Variants in TCF25 observed in about 807,000 individuals in gnomAD.
TCF25 encodes ribosome quality control complex subunit TCF25.
A neutral mutation model predicts 83.1 loss-of-function variants in TCF25; 41 were observed. That is an observed-to-expected ratio of 0.49 (90% CI 0.38 to 0.64). The LOEUF is 0.64. Among genes scored for constraint, TCF25 ranks in the 30% least tolerant of loss-of-function variants. The probability of loss-of-function intolerance (pLI) is 0.00; values close to 1 mark genes in which losing one functional copy is unlikely to be tolerated. For synonymous variants in TCF25, 458 were observed against 365.0 expected, an observed-to-expected ratio of 1.25 and a Z score of -2.90; for missense variants, 979 against 914.5, an observed-to-expected ratio of 1.07 and a Z score of -0.91.
chr16:89,880,178 C>T (rs2042505611), intron 1 of TCF25, among the ~76,000 whole-genome samples: 1 of 151,284 alleles, frequency 6.6e-6, no homozygotes, highest in South Asian at 2.1e-4. Flanking sequence ...TGTACACAGG[C>T]TCCTTTCCAT....
chr16:89,888,679 C>CT (rs530768255), intron 5 of TCF25, among the ~76,000 whole-genome samples: 16,079 of 135,012 alleles, frequency 0.12, 1,168 homozygotes, highest in East Asian at 0.27. Flanking sequence ...CTCTTTCTTT[C>CT]TTTTTTTTTT....
chr16:89,896,631 G>A (rs1181036436), intron 9 of TCF25, among the ~76,000 whole-genome samples: 1 of 146,918 alleles, frequency 6.8e-6, no homozygotes, highest in African/African-American at 2.6e-5. Flanking sequence ...TCGGCTCACT[G>A]CAAGCTCCAC....
At position 89,900,780 on chromosome 16, in the gene TCF25, C is replaced by A; in HGVS notation, c.1367C>A (p.Thr456Asn). The A allele has an allele frequency of 6.3e-7, 1 of 1,580,116 alleles. No individual in the cohort carries two copies. Among genetic ancestry groups the A allele is most frequent in the Non-Finnish European group, 8.7e-7 (1 of 1,152,094 alleles). The change falls in exon 12 of 18, where the codon ACC becomes AAC. Residue 456 changes from threonine to asparagine, a missense_variant. Physicochemically the swap from Thr to Asn is moderately conservative, Grantham distance 65. Transcript: ENST00000263346. Reference protein sequence around the residue: ...KASLLIQQALTMFPGVLLPLL... With the variant: ...KASLLIQQALNMFPGVLLPLL... Reference sequence around the variant, plus strand: ...TCTCTCCTGATACAGCAGGCGCTCACCATGTTCCCTGGAGGTGAGTGAGCG... The same window carrying A: ...TCTCTCCTGATACAGCAGGCGCTCAACATGTTCCCTGGAGGTGAGTGAGCG...
intron 9 of TCF25, among the ~76,000 whole-genome samples, chr16:89,896,801 G>A (rs2043893697): frequency 1.3e-5 from 2 of 151,930 alleles, no homozygotes; most frequent in African/African-American, 2.4e-5. Context: ...CGATCCACCC[G>A]CCTCGGCCTT....
intron 5 of TCF25, among the ~76,000 whole-genome samples, chr16:89,889,027 G>A (rs150911318): frequency 6.6e-6 from 1 of 151,762 alleles, no homozygotes; most frequent in East Asian, 1.9e-4. Context: ...GTTCTTAGCA[G>A]TTGGGCAGCC....
chr16:89,878,692 G>A, intron 1 of TCF25: 2 of 1,035,166 alleles, frequency 1.9e-6, no homozygotes, highest in Non-Finnish European at 2.3e-6. Flanking sequence ...CCAGGCTGGA[G>A]TGCAGTGGCA....
Position 89,905,325 on chromosome 16 carries a change from G to A in TCF25, c.1628+229G>A, listed in dbSNP as rs1011784859. Among the ~76,000 whole-genome samples, 4 of 152,184 alleles carry A rather than the reference G, an allele frequency of 2.6e-5. No individual in the cohort carries two copies. The highest frequency in any genetic ancestry group is 4.4e-5 in the Non-Finnish European group (3 of 68,028). ...CGCAGGGTACCGAGCTGCTGTTCCC[G>A]GGTGCCTCGGGCTGGAGTGGTGCCT... On this transcript the variant is annotated intron_variant, in intron 14 of 17. Coordinates refer to ENST00000263346, the MANE Select transcript of TCF25 (RefSeq NM_014972.3).
intron 1 of TCF25, chr16:89,874,782 T>C (rs2042046839): frequency 6.6e-6 from 1 of 152,146 alleles, no homozygotes; most frequent in Non-Finnish European, 1.5e-5. Context: ...AATTTTTTTT[T>C]TTTTTCTTTT....
chr16:89,875,340 A>C (rs2042097231), intron 1 of TCF25, among the ~76,000 whole-genome samples: 1 of 151,760 alleles, frequency 6.6e-6, no homozygotes, highest in Admixed American at 6.6e-5. Flanking sequence ...GGGTTTGGAC[A>C]GTCTTTTTGC....
At chr16:89,899,949 T>A (rs11646448) in intron 11 of TCF25, among the ~76,000 whole-genome samples, 11,387 of 152,238 alleles carry the variant, frequency 0.075, 641 homozygotes, top group East Asian at 0.26. Context: ...TTTGAATTTT[T>A]AAGCATTTGG....
At chr16:89,874,212 T>C (rs1044917147) in intron 1 of TCF25, among the ~76,000 whole-genome samples, 2 of 150,012 alleles carry the variant, frequency 1.3e-5, no homozygotes, top group Non-Finnish European at 3.0e-5. Context: ...GCCAAGGGCG[T>C]GGCCAACGTC....
intron 9 of TCF25, among the ~76,000 whole-genome samples, chr16:89,896,765 A>G (rs1010113221): frequency 6.6e-6 from 1 of 152,056 alleles, no homozygotes; most frequent in Non-Finnish European, 1.5e-5. Flanking sequence ...TGTGTTGGCC[A>G]GGATGGTCTC....
rs766020526 is a variant in TCF25 at position 89,893,692 on chromosome 16, C to T, written c.698-36C>T. ...GCTCGGAGCTGCCCACGTCCCTGCT[C>T]CCGGCACACCCTCCCTGAGCACTCT... On this transcript the variant is annotated intron_variant, in intron 6 of 17. Coordinates refer to ENST00000263346, the MANE Select transcript of TCF25 (RefSeq NM_014972.3). 1.5e-5 allele frequency: 24 copies of T among 1,612,688 alleles called. No homozygotes were observed. The South Asian group carries it at 2.0e-4, about 13-fold the overall frequency.
rs1410467116 is a variant in TCF25 at position 89,905,055 on chromosome 16, A to T, written c.1587A>T (p.Ala529=). The T allele has an allele frequency of 1.2e-5, 19 of 1,603,598 alleles. No individual in the cohort carries two copies. The highest frequency in any genetic ancestry group is 1.6e-5 in the Non-Finnish European group (19 of 1,175,884). ...AGAACGTCCACGAGGTTCTGCAAGCAGTGGACGCCGGGGACCCAGCCGTGG... is the reference window on the plus strand; with the variant it reads ...AGAACGTCCACGAGGTTCTGCAAGCTGTGGACGCCGGGGACCCAGCCGTGG... ...LEENVHEVLQ[A]VDAGDPAVEA... The change falls in exon 14 of 18, where the codon GCA becomes GCT. Residue 529 remains alanine, a synonymous_variant. Transcript: ENST00000263346.
chr16:89,911,149 G>A lies in TCF25; in HGVS notation c.1942G>A (p.Ala648Thr). 6.2e-7 allele frequency: 1 copy of A among 1,612,162 alleles called. No individual in the cohort carries two copies. Among genetic ancestry groups the A allele is most frequent in the Non-Finnish European group, 8.5e-7 (1 of 1,179,966 alleles). The change falls in exon 18 of 18, where the codon GCT becomes ACT. Residue 648 changes from alanine to threonine, a missense_variant. Coordinates refer to ENST00000263346, the MANE Select transcript of TCF25 (RefSeq NM_014972.3). ...CCAGGGCCTGAACAGGCTGATGCTG[G>A]CTGTGCGCGACATGATGGCCAACTT... is the stretch of plus-strand genomic sequence containing the variant. ...RNQGLNRLMLAVRDMMANFHL... is the reference protein window; with the variant it reads ...RNQGLNRLMLTVRDMMANFHL...
intron 1 of TCF25, 135 bp from the exon 2 acceptor site, chr16:89,883,216 T>A (rs2042738109): frequency 3.5e-5 from 42 of 1,206,674 alleles, no homozygotes; most frequent in Non-Finnish European, 4.3e-5. Flanking sequence ...GGTTCTTGCA[T>A]CTTTCCCGTC....
rs372461576 is a variant in TCF25 at position 89,884,976 on chromosome 16, T to C, written c.429+320T>C. 4.1e-4 allele frequency among the ~76,000 whole-genome samples: 28 copies of C among 68,422 alleles called. 1 individual carries two copies. The highest frequency in any genetic ancestry group is 1.5e-3 in the African/African-American group (12 of 8,260). 44.9% of individuals were successfully genotyped at this position (68,422 alleles called of 152,430 possible). On this transcript the variant is annotated intron_variant, in intron 3 of 17. Coordinates refer to ENST00000263346, the MANE Select transcript of TCF25 (RefSeq NM_014972.3). ...TCTGCCTGACGCCCCTCTCCCTCTGTCTGACGCCCTCTCCGTCTGCCTGAC... is the reference window on the plus strand; with the variant it reads ...TCTGCCTGACGCCCCTCTCCCTCTGCCTGACGCCCTCTCCGTCTGCCTGAC...
chr16:89,886,338 G>A (rs1350191228), intron 4 of TCF25, among the ~76,000 whole-genome samples: 2 of 152,054 alleles, frequency 1.3e-5, no homozygotes, highest in Non-Finnish European at 2.9e-5. Context: ...TGAGGCAGGA[G>A]AATGGCGTGA....
intron 12 of TCF25, among the ~76,000 whole-genome samples, chr16:89,902,519 C>A (rs551314560): frequency 7.0e-6 from 1 of 142,188 alleles, no homozygotes; most frequent in Non-Finnish European, 1.6e-5. Context: ...GAAACCACGT[C>A]TCTACTAAAA....
Sources: gnomAD v4.1 joint callset for allele counts (sites outside exome capture counted in the v4.1 genomes callset) on GRCh38, gnomAD v4.1.1 for gene constraint, MANE v1.5 for transcripts, NCBI Gene and HGNC (gene_info 2026-07-23, HGNC 2026-07-21) for gene names.